NT5DC1: variants seen among roughly 807,000 people sequenced by gnomAD.
NT5DC1 encodes the protein 5'-nucleotidase domain containing 1, also known as 5'-nucleotidase domain-containing protein 1.
In NT5DC1, 42 loss-of-function variants were observed where a neutral mutation model predicts 59.4. The observed-to-expected ratio is 0.71, with a 90% CI of 0.55 to 0.92. NT5DC1 has a LOEUF of 0.92. NT5DC1 is among the 40% of genes least tolerant of loss of function. The pLI, the probability that NT5DC1 is intolerant of heterozygous loss-of-function variation, is 0.00. For missense variants in NT5DC1, 501 were observed against 537.1 expected, an observed-to-expected ratio of 0.93 and a Z score of 0.66; for synonymous variants, 172 against 188.1, an observed-to-expected ratio of 0.91 and a Z score of 0.70.
At chr6:116,132,219 AC>A (rs964156912) in intron 6 of NT5DC1, among the ~76,000 whole-genome samples, 29 of 152,128 alleles carry the variant, frequency 1.9e-4, no homozygotes, top group African/African-American at 6.3e-4. Flanking sequence ...CCTCAGCATC[AC>A]CAACAGGATA....
chr6:116,214,745 CTG>C (rs1781656840), intron 6 of NT5DC1, among the ~76,000 whole-genome samples: 1 of 151,944 alleles, frequency 6.6e-6, no homozygotes, highest in Non-Finnish European at 1.5e-5. Context: ...AGGAGAAACA[CTG>C]TGGAAATGGG....
rs772100888 is a variant in NT5DC1 at position 116,121,521 on chromosome 6, G to A, written c.529+3576G>A. 29 of 1,614,014 alleles carry A rather than the reference G, an allele frequency of 1.8e-5. No homozygotes were observed. The South Asian group carries it at 3.1e-4, about 17-fold the overall frequency. On this transcript the variant is annotated intron_variant, in intron 6 of 11. Coordinates refer to ENST00000319550, the MANE Select transcript of NT5DC1 (RefSeq NM_152729.3). Reference sequence around the variant, plus strand: ...GGGCCTGGAAGACCCCTCTCACCTGGACGACCAGGAGCACCATATCCCATT... The same window carrying A: ...GGGCCTGGAAGACCCCTCTCACCTGAACGACCAGGAGCACCATATCCCATT...
intron 6 of NT5DC1, among the ~76,000 whole-genome samples, chr6:116,140,501 A>C (rs1258670296): frequency 6.6e-6 from 1 of 152,142 alleles, no homozygotes; most frequent in Non-Finnish European, 1.5e-5. Flanking sequence ...GAGGGATATT[A>C]ATTCAATGAA....
chr6:116,195,290 C>T (rs1045535555), intron 6 of NT5DC1, among the ~76,000 whole-genome samples: 1 of 151,962 alleles, frequency 6.6e-6, no homozygotes, highest in Non-Finnish European at 1.5e-5. Context: ...ATCACAATTT[C>T]GCTATTAAAA....
At chr6:116,211,206 A>T (rs1475584866) in intron 6 of NT5DC1, among the ~76,000 whole-genome samples, 1 of 152,058 alleles carries the variant, frequency 6.6e-6, no homozygotes, top group Non-Finnish European at 1.5e-5. Flanking sequence ...TCACCGTTCC[A>T]GCCAGCCCAG....
intron 5 of NT5DC1, among the ~76,000 whole-genome samples, chr6:116,116,805 G>T (rs182405294): frequency 6.6e-6 from 1 of 151,886 alleles, no homozygotes; most frequent in Admixed American, 6.6e-5. Context: ...TTTCTCATTC[G>T]GTAGTTACTA....
At chr6:116,180,388 G>A (rs1780849372) in intron 6 of NT5DC1, among the ~76,000 whole-genome samples, 1 of 152,006 alleles carries the variant, frequency 6.6e-6, no homozygotes, top group South Asian at 2.1e-4. Context: ...TTTAAAAAAT[G>A]AAAATGGAAT....
At chr6:116,157,328 G>T (rs1008204815) in intron 6 of NT5DC1, among the ~76,000 whole-genome samples, 1 of 152,106 alleles carries the variant, frequency 6.6e-6, no homozygotes, top group South Asian at 2.1e-4. Context: ...AACTTGGTTA[G>T]TGGAACCCTA....
chr6:116,132,745 A>G (rs1779501747), intron 6 of NT5DC1, among the ~76,000 whole-genome samples: 2 of 152,162 alleles, frequency 1.3e-5, no homozygotes, highest in African/African-American at 2.4e-5. Flanking sequence ...TTCTGGCAGG[A>G]TACTGACTTT....
intron 8 of NT5DC1, among the ~76,000 whole-genome samples, chr6:116,229,536 C>T (rs573049625): frequency 6.6e-6 from 1 of 152,256 alleles, no homozygotes; most frequent in East Asian, 1.9e-4. Flanking sequence ...CCTGCCAGTG[C>T]TTAAGGATGT....
chr6:116,135,088 A>G (rs938861449), intron 6 of NT5DC1, among the ~76,000 whole-genome samples: 1 of 152,196 alleles, frequency 6.6e-6, no homozygotes, highest in Admixed American at 6.5e-5. Flanking sequence ...CAACTCTTCA[A>G]TGTATTAAAA....
chr6:116,178,122 T>C (rs1399080858), intron 6 of NT5DC1, among the ~76,000 whole-genome samples: 2 of 151,850 alleles, frequency 1.3e-5, no homozygotes, highest in East Asian at 3.9e-4. Context: ...TGTGTGTGTG[T>C]GTGTGTGTGT....
intron 2 of NT5DC1, among the ~76,000 whole-genome samples, chr6:116,106,598 T>C (rs1324494920): frequency 6.6e-6 from 1 of 152,212 alleles, no homozygotes; most frequent in African/African-American, 2.4e-5. Context: ...TTTCATATAG[T>C]TTAAGTTTGT....
intron 6 of NT5DC1, among the ~76,000 whole-genome samples, chr6:116,134,680 C>G (rs948821905): frequency 1.3e-5 from 2 of 152,124 alleles, no homozygotes; most frequent in Non-Finnish European, 2.9e-5. Flanking sequence ...ACTTGGAATT[C>G]TTGTAGAGGT....
chr6:116,111,567 A>G (rs999972564), intron 4 of NT5DC1, among the ~76,000 whole-genome samples: 1 of 152,198 alleles, frequency 6.6e-6, no homozygotes, highest in African/African-American at 2.4e-5. Context: ...CCTAATTATT[A>G]GTTTTTTTAT....
chr6:116,133,905 T>G (rs566697952), intron 6 of NT5DC1, among the ~76,000 whole-genome samples: 2 of 152,328 alleles, frequency 1.3e-5, no homozygotes, highest in African/African-American at 4.8e-5. Flanking sequence ...ACTATAGAGA[T>G]ATAATAACCA....
chr6:116,113,488 C>T (rs1778916240), intron 4 of NT5DC1, among the ~76,000 whole-genome samples: 2 of 152,196 alleles, frequency 1.3e-5, no homozygotes, highest in African/African-American at 4.8e-5. Context: ...AATGAGCTGT[C>T]TCTTCTATAC....
At chr6:116,208,357 T>C (rs545257049) in intron 6 of NT5DC1, among the ~76,000 whole-genome samples, 29 of 152,052 alleles carry the variant, frequency 1.9e-4, no homozygotes, top group African/African-American at 6.7e-4. Flanking sequence ...AACAAAACCC[T>C]CCCAAAATGT....
intron 7 of NT5DC1, among the ~76,000 whole-genome samples, chr6:116,222,447 C>G (rs1032842619): frequency 7.2e-5 from 11 of 152,126 alleles, no homozygotes; most frequent in Non-Finnish European, 1.2e-4. Context: ...GAAGGGCTAC[C>G]TTGCCTTTGC....
Sources: gnomAD v4.1 joint callset for allele counts (sites outside exome capture counted in the v4.1 genomes callset) on GRCh38, gnomAD v4.1.1 for gene constraint, MANE v1.5 for transcripts, NCBI Gene and HGNC (gene_info 2026-07-23, HGNC 2026-07-21) for gene names.